The following ZFAND3 variants were observed in gnomAD, a reference collection of about 807,000 sequenced individuals.
ZFAND3 encodes the protein AN1-type zinc finger protein 3.
ZFAND3 carries 10 observed loss-of-function variants against 29.6 expected under a neutral mutation model. The ratio of observed to expected loss-of-function variants is 0.34; its 90% CI spans 0.21 to 0.57. The LOEUF is 0.57. Ranked by LOEUF, ZFAND3 falls within the 20% of genes least tolerant of loss-of-function variation. ZFAND3 has a pLI of 0.86. For missense variants in ZFAND3, 230 were observed against 304.5 expected (o/e 0.76, Z 1.82); for synonymous variants, 128 against 112.6 (o/e 1.14, Z -0.87).
At chr6:37,826,034 G>T (rs1171301080) in intron 1 of ZFAND3, among the ~76,000 whole-genome samples, 1 of 152,116 alleles carries the variant, frequency 6.6e-6, no homozygotes, top group African/African-American at 2.4e-5. Flanking sequence ...CCTGGGACTG[G>T]CAGGCTGCAT....
intron 3 of ZFAND3, among the ~76,000 whole-genome samples, chr6:38,069,936 T>C (rs1764419227): frequency 6.6e-6 from 1 of 152,216 alleles, no homozygotes; most frequent in Non-Finnish European, 1.5e-5. Context: ...TTTTTAAGTA[T>C]GCAAGTAAAA....
At position 38,087,634 on chromosome 6, in the gene ZFAND3, A is replaced by G. The variant is rs981611924; in HGVS notation, c.361+5177A>G. Among the ~76,000 whole-genome samples the G allele has an allele frequency of 7.9e-5, 12 of 152,348 alleles. 1 individual carries two copies. Among genetic ancestry groups the G allele is most frequent in the Admixed American group, 3.3e-4 (5 of 15,300 alleles). Reference sequence around the variant, plus strand: ...CAGAGAACTACAAATCAAAACTACAATGAGATGTCATCTCACCCCAATTAA... The same window carrying G: ...CAGAGAACTACAAATCAAAACTACAGTGAGATGTCATCTCACCCCAATTAA... On this transcript the variant is annotated intron_variant, in intron 4 of 5. Transcript: ENST00000287218.
intron 1 of ZFAND3, among the ~76,000 whole-genome samples, chr6:37,912,030 C>CTGTGTGTGTGTGTGTGTG (rs59017250): frequency 1.0e-4 from 14 of 139,706 alleles, no homozygotes; most frequent in African/African-American, 2.2e-4. Context: ...AGTCTTTTAT[C>CTGTGTGTGTGTGTGTGTG]TGTGTGTGTG....
At chr6:38,090,182 G>GT (rs1246838962) in intron 4 of ZFAND3, among the ~76,000 whole-genome samples, 2 of 152,162 alleles carry the variant, frequency 1.3e-5, no homozygotes, top group African/African-American at 4.8e-5. Context: ...GAGTTCAACT[G>GT]TATAATTCAC....
intron 2 of ZFAND3, among the ~76,000 whole-genome samples, chr6:38,043,074 C>T (rs1763822278): frequency 6.6e-6 from 1 of 152,118 alleles, no homozygotes; most frequent in East Asian, 1.9e-4. Context: ...ATCTAATATA[C>T]ACATAAGTGT....
chr6:38,146,154 G>T (rs1160618924), intron 5 of ZFAND3, among the ~76,000 whole-genome samples: 1 of 133,342 alleles, frequency 7.5e-6, no homozygotes, highest in Non-Finnish European at 1.7e-5. Context: ...TTCCATTCCT[G>T]TTCCATGTGC....
intron 2 of ZFAND3, among the ~76,000 whole-genome samples, chr6:37,934,859 AAAAAAGC>A: frequency 6.7e-6 from 1 of 149,754 alleles, no homozygotes; most frequent in South Asian, 2.1e-4. Context: ...AAAAAAAAAA[AAAAAAGC>A]AAAAGTTAAT....
chr6:37,998,843 G>C (rs949814645), intron 2 of ZFAND3, among the ~76,000 whole-genome samples: 22 of 152,144 alleles, frequency 1.4e-4, no homozygotes, highest in Non-Finnish European at 2.8e-4. Context: ...CAGTAATGTG[G>C]ATACTTAATG....
At chr6:37,838,211 T>C (rs1263827314) in intron 1 of ZFAND3, among the ~76,000 whole-genome samples, 3 of 152,236 alleles carry the variant, frequency 2.0e-5, no homozygotes, top group African/African-American at 4.8e-5. Context: ...TTTCTAGTTA[T>C]GAAGGGAATG....
At chr6:38,100,796 A>AC (rs959502108) in intron 4 of ZFAND3, among the ~76,000 whole-genome samples, 15 of 152,008 alleles carry the variant, frequency 9.9e-5, no homozygotes, top group Non-Finnish European at 2.9e-5. Flanking sequence ...ATTCTTAGGT[A>AC]CCCCCCTACC....
At chr6:37,856,306 T>A (rs1764381711) in intron 1 of ZFAND3, among the ~76,000 whole-genome samples, 1 of 152,210 alleles carries the variant, frequency 6.6e-6, no homozygotes, top group Non-Finnish European at 1.5e-5. Context: ...GTTCTGTTTC[T>A]TCTCTAGTCT....
chr6:37,904,925 G>T (rs1765381983), intron 1 of ZFAND3, among the ~76,000 whole-genome samples: 1 of 152,190 alleles, frequency 6.6e-6, no homozygotes, highest in Admixed American at 6.5e-5. Flanking sequence ...AAGGCTTCTA[G>T]TGTGTACGTG....
At chr6:38,116,829 C>T in intron 5 of ZFAND3, 90 bp downstream of exon 5, 1 of 1,500,220 alleles carries the variant, frequency 6.7e-7, no homozygotes, top group East Asian at 2.3e-5. Context: ...GTCTTTCGTT[C>T]TTCTTCTGAG....
intron 1 of ZFAND3, among the ~76,000 whole-genome samples, chr6:37,902,737 C>CTTTTTTTTTTTTTT (rs11448512): frequency 2.0e-5 from 2 of 100,420 alleles, no homozygotes; most frequent in Non-Finnish European, 3.7e-5. Flanking sequence ...CTTTTACTTA[C>CTTTTTTTTTTTTTT]TTTTTTTTTT....
chr6:37,886,849 C>T (rs912268279), intron 1 of ZFAND3, among the ~76,000 whole-genome samples: 4 of 151,978 alleles, frequency 2.6e-5, no homozygotes, highest in Non-Finnish European at 4.4e-5. Context: ...ACAAAAAACC[C>T]CAAAATTAGC....
At position 38,153,570 on chromosome 6, in the gene ZFAND3, A is replaced by G. The variant is rs1766281402; in HGVS notation, c.*1181A>G. On this transcript the variant is annotated 3_prime_UTR_variant, in exon 6 of 6. Coordinates refer to ENST00000287218, the MANE Select transcript of ZFAND3 (RefSeq NM_021943.3). ...GCTGTGGCCCAGCTCCGAGAGTGAT[A>G]TTTGCTCTGGTAGGTGAGGGCCTGA... 3 of 984,768 alleles carry G rather than the reference A, an allele frequency of 3.0e-6. No homozygotes were observed. Among genetic ancestry groups the G allele is most frequent in the Non-Finnish European group, 3.6e-6 (3 of 829,894 alleles). The allele number at this position is 984,768 out of a possible 1,614,324, so 61.0% of individuals were successfully genotyped here.
At chr6:38,076,930 A>G (rs1008244690) in intron 3 of ZFAND3, among the ~76,000 whole-genome samples, 3 of 152,166 alleles carry the variant, frequency 2.0e-5, no homozygotes, top group Non-Finnish European at 2.9e-5. Flanking sequence ...AATACTGTCA[A>G]TTCTTTGCTA....
At chr6:38,026,722 C>T (rs899470554) in intron 2 of ZFAND3, among the ~76,000 whole-genome samples, 6 of 152,176 alleles carry the variant, frequency 3.9e-5, no homozygotes, top group Admixed American at 6.5e-5. Flanking sequence ...TGAGCTACCA[C>T]GCCCGGCCAA....
chr6:38,010,276 C>T (rs548484360), intron 2 of ZFAND3, among the ~76,000 whole-genome samples: 8 of 151,964 alleles, frequency 5.3e-5, no homozygotes, highest in African/African-American at 1.9e-4. Context: ...GAAGAGTACG[C>T]AGAAAAAAAA....
Sources: allele counts gnomAD v4.1 joint callset (sites outside exome capture counted in the v4.1 genomes callset), GRCh38; gene constraint gnomAD v4.1.1; transcripts MANE v1.5; gene names NCBI Gene and HGNC (gene_info 2026-07-23, HGNC 2026-07-21).